Variants in EGFLAM observed in about 807,000 individuals in gnomAD.
The protein encoded by EGFLAM is pikachurin.
EGFLAM carries 79 observed loss-of-function variants against 113.1 expected under a neutral mutation model. The ratio of observed to expected loss-of-function variants is 0.70; its 90% CI spans 0.58 to 0.84. The LOEUF (loss-of-function observed/expected upper bound fraction) is 0.84, where lower values mean the gene tolerates loss of function less well. Among genes scored for constraint, EGFLAM ranks in the 40% least tolerant of loss-of-function variants. The pLI is 0.00. For missense variants in EGFLAM, 1,265 were observed against 1,291.6 expected, an observed-to-expected ratio of 0.98 and a Z score of 0.32; for synonymous variants, 504 against 487.6, an observed-to-expected ratio of 1.03 and a Z score of -0.44.
chr5:38,376,084 C>T (rs188219537), intron 6 of EGFLAM, among the ~76,000 whole-genome samples: 1 of 151,952 alleles, frequency 6.6e-6, no homozygotes, highest in East Asian at 1.9e-4. Context: ...AAGAAAGAAA[C>T]ACCAGCAGCA....
chr5:38,392,904 A>G (rs560310487), intron 6 of EGFLAM, among the ~76,000 whole-genome samples: 146 of 151,970 alleles, frequency 9.6e-4, no homozygotes, highest in Admixed American at 3.3e-3. Context: ...TCATTATTCA[A>G]TTCCTGGCTA....
intron 12 of EGFLAM, among the ~76,000 whole-genome samples, chr5:38,423,223 G>T (rs772754465): frequency 3.9e-5 from 6 of 152,134 alleles, no homozygotes; most frequent in Non-Finnish European, 8.8e-5. Context: ...CCTCTAGAAT[G>T]AATCTCTCAT....
intron 4 of EGFLAM, among the ~76,000 whole-genome samples, chr5:38,351,033 G>A (rs1446598505): frequency 6.6e-6 from 1 of 152,064 alleles, no homozygotes; most frequent in East Asian, 1.9e-4. Flanking sequence ...ACAAAGTTGG[G>A]TTGATGCTGG....
intron 4 of EGFLAM, 86 bp downstream of exon 4, chr5:38,350,704 G>A (rs1197214101): frequency 1.5e-6 from 2 of 1,292,422 alleles, no homozygotes; most frequent in African/African-American, 1.5e-5. Context: ...GACTTACTAT[G>A]TGCCAAGCAC....
chr5:38,458,914 G>GAGGTAGCAGGATC (rs1156354603), intron 20 of EGFLAM, among the ~76,000 whole-genome samples: 3 of 151,828 alleles, frequency 2.0e-5, no homozygotes, highest in Non-Finnish European at 4.4e-5. Flanking sequence ...CTGGGAGGTG[G>GAGGTAGCAGGATC]AGGTAGCAGG....
chr5:38,268,439 G>T (rs1469949934), intron 1 of EGFLAM, among the ~76,000 whole-genome samples: 1 of 152,062 alleles, frequency 6.6e-6, no homozygotes, highest in Non-Finnish European at 1.5e-5. Flanking sequence ...TCAGAATATG[G>T]TCATGTTGCC....
At chr5:38,280,492 C>T (rs1236038713) in intron 1 of EGFLAM, among the ~76,000 whole-genome samples, 5 of 152,164 alleles carry the variant, frequency 3.3e-5, no homozygotes, top group African/African-American at 9.7e-5. Context: ...TGTTTCTTTT[C>T]CCCACTTCCC....
rs1191295661 is a variant in EGFLAM at position 38,462,963 on chromosome 5, T to A, written c.2827T>A (p.Ser943Thr). 6.2e-7 allele frequency: 1 copy of A among 1,614,056 alleles called. No individual in the cohort carries two copies. The highest frequency in any genetic ancestry group is 8.5e-7 in the Non-Finnish European group (1 of 1,180,006). Reference protein sequence around the residue: ...VDDYGARTGKSPGMMRQLNIN... With the variant: ...VDDYGARTGKTPGMMRQLNIN... ...TGACTATGGAGCCAGAACAGGCAAA[T>A]CCCCAGGCATGATGCGGCAGCTTAA... The change falls in exon 21 of 22, where the codon TCC becomes ACC. Residue 943 changes from serine to threonine, a missense_variant. Ser to Thr is a moderately conservative substitution (Grantham distance 58). Coordinates refer to ENST00000322350, the MANE Select transcript of EGFLAM (RefSeq NM_152403.4).
At chr5:38,393,902 A>C (rs1740883308) in intron 6 of EGFLAM, among the ~76,000 whole-genome samples, 1 of 152,218 alleles carries the variant, frequency 6.6e-6, no homozygotes, top group African/African-American at 2.4e-5. Context: ...AGGAAGAATC[A>C]GGTCACACAA....
chr5:38,277,567 T>C (rs923523512), intron 1 of EGFLAM, among the ~76,000 whole-genome samples: 1 of 151,404 alleles, frequency 6.6e-6, no homozygotes, highest in Non-Finnish European at 1.5e-5. Context: ...CCAGAGAAAT[T>C]AGGCAAGATA....
chr5:38,299,324 G>A (rs1229772893), intron 1 of EGFLAM, among the ~76,000 whole-genome samples: 2 of 152,110 alleles, frequency 1.3e-5, no homozygotes, highest in African/African-American at 4.8e-5. Context: ...CATGTATTAT[G>A]TGGCTTACAT....
chr5:38,271,847 T>A (rs1314558584), intron 1 of EGFLAM, among the ~76,000 whole-genome samples: 2 of 152,348 alleles, frequency 1.3e-5, no homozygotes, highest in East Asian at 3.9e-4. Flanking sequence ...CATTGCCTAA[T>A]GGATTATCTT....
At chr5:38,417,417 C>T (rs1302516922) in intron 11 of EGFLAM, among the ~76,000 whole-genome samples, 3 of 148,968 alleles carry the variant, frequency 2.0e-5, no homozygotes, top group Non-Finnish European at 4.5e-5. Flanking sequence ...ATCTAATCTT[C>T]AGCTCTGTAT....
chr5:38,263,706 C>G (rs571336929), intron 1 of EGFLAM, among the ~76,000 whole-genome samples: 2 of 151,950 alleles, frequency 1.3e-5, no homozygotes, highest in African/African-American at 2.4e-5. Context: ...AAGCTTAACC[C>G]GTGGCTGCAA....
rs769987845 is a variant in EGFLAM at position 38,431,140 on chromosome 5, C to G, written c.2055-37C>G. The G allele has an allele frequency of 6.3e-6, 10 of 1,583,174 alleles. No homozygotes were observed. The African/African-American group carries it at 6.7e-5, about 11-fold the overall frequency. Reference sequence around the variant, plus strand: ...TGGGCATTCCTTATCCTAATCAACTCGATACATAAAAATAATATCACATCT... The same window carrying G: ...TGGGCATTCCTTATCCTAATCAACTGGATACATAAAAATAATATCACATCT... On this transcript the variant is annotated intron_variant, in intron 14 of 21. Coordinates refer to ENST00000322350, the MANE Select transcript of EGFLAM (RefSeq NM_152403.4).
At chr5:38,369,795 A>G (rs1740156526) in intron 5 of EGFLAM, among the ~76,000 whole-genome samples, 1 of 152,226 alleles carries the variant, frequency 6.6e-6, no homozygotes, top group South Asian at 2.1e-4. Context: ...GCGTAGCTGT[A>G]TAATTAAGAC....
chr5:38,433,471 T>C (rs900216947), intron 15 of EGFLAM, among the ~76,000 whole-genome samples: 1 of 152,140 alleles, frequency 6.6e-6, no homozygotes, highest in African/African-American at 2.4e-5. Context: ...GGCCTGGCTT[T>C]GGTGGGATAT....
chr5:38,392,499 G>A (rs1043618785), intron 6 of EGFLAM, among the ~76,000 whole-genome samples: 1 of 152,090 alleles, frequency 6.6e-6, no homozygotes, highest in African/African-American at 2.4e-5. Context: ...GGGTTGAATG[G>A]TAGTTCTACT....
At chr5:38,445,542 C>A in intron 17 of EGFLAM, 2 of 1,574,766 alleles carry the variant, frequency 1.3e-6, no homozygotes, top group East Asian at 4.5e-5. Context: ...CCTAAGAGGA[C>A]GTTCTGGACT....
Sources: gnomAD v4.1 joint callset for allele counts (sites outside exome capture counted in the v4.1 genomes callset) on GRCh38, gnomAD v4.1.1 for gene constraint, MANE v1.5 for transcripts, NCBI Gene and HGNC (gene_info 2026-07-23, HGNC 2026-07-21) for gene names.